Variants in C1QTNF3 observed in about 807,000 individuals in gnomAD.
The protein encoded by C1QTNF3 is C1q and TNF related 3.
C1QTNF3 carries 26 observed loss-of-function variants against 32.6 expected under a neutral mutation model. That is an observed-to-expected ratio of 0.80 (90% CI 0.58 to 1.11). The LOEUF is 1.11. Ranked by LOEUF, C1QTNF3 falls within the 50% of genes least tolerant of loss-of-function variation. C1QTNF3 has a pLI of 0.00. For missense variants in C1QTNF3, 362 were observed against 398.2 expected, an observed-to-expected ratio of 0.91 and a Z score of 0.77; for synonymous variants, 155 against 146.0, an observed-to-expected ratio of 1.06 and a Z score of -0.44.
the C1QTNF3 span, among the ~76,000 whole-genome samples, chr5:34,120,800 T>C: frequency 5.9e-5 from 9 of 152,350 alleles, no homozygotes; most frequent in African/African-American, 1.9e-4. Flanking sequence ...CTCTTTCTTT[T>C]GTAAATTGCC....
the C1QTNF3 span, among the ~76,000 whole-genome samples, chr5:34,115,133 G>T: frequency 6.6e-6 from 1 of 151,736 alleles, no homozygotes; most frequent in Admixed American, 6.6e-5. Context: ...TATAATTCTA[G>T]GTGGAGAATT....
At chr5:34,153,853 T>TAATTAAAAAAAAA in the C1QTNF3 span, among the ~76,000 whole-genome samples, 1 of 32,930 alleles carries the variant, frequency 3.0e-5, no homozygotes, top group Non-Finnish European at 6.9e-5. Context: ...ACTTAGAGTA[T>TAATTAAAAAAAAA]AAAAAAAAAA....
intron 1 of C1QTNF3, among the ~76,000 whole-genome samples, 189 bp downstream of exon 1, chr5:34,042,634 C>T (rs1276531310): frequency 6.6e-6 from 1 of 152,168 alleles, no homozygotes; most frequent in Non-Finnish European, 1.5e-5. Flanking sequence ...TGCTGATTTT[C>T]TAACAGAGAC....
chr5:34,031,265 C>T (rs1288492229), intron 3 of C1QTNF3, among the ~76,000 whole-genome samples: 1 of 152,168 alleles, frequency 6.6e-6, no homozygotes, highest in Non-Finnish European at 1.5e-5. Flanking sequence ...CCCTCCTTCA[C>T]AATCTGTGTA....
chr5:34,044,459 C>G (rs764781154), upstream of C1QTNF3, among the ~76,000 whole-genome samples: 11 of 152,150 alleles, frequency 7.2e-5, no homozygotes, highest in Non-Finnish European at 1.6e-4. Context: ...GAAGCTCAGC[C>G]TGCTGATGAA....
At chr5:34,210,044 GCA>G in the C1QTNF3 span, among the ~76,000 whole-genome samples, 1 of 152,082 alleles carries the variant, frequency 6.6e-6, no homozygotes, top group African/African-American at 2.4e-5. Context: ...CAATATTGAT[GCA>G]CAGAGGAATG....
the C1QTNF3 span, among the ~76,000 whole-genome samples, chr5:34,050,662 C>T: frequency 6.6e-6 from 1 of 152,198 alleles, no homozygotes; most frequent in South Asian, 2.1e-4. Flanking sequence ...TTGTCCTACA[C>T]ATCCCATCTG....
the C1QTNF3 span, among the ~76,000 whole-genome samples, chr5:34,162,045 T>C: frequency 1.3e-5 from 2 of 152,184 alleles, no homozygotes; most frequent in Admixed American, 1.3e-4. Flanking sequence ...TGATTCTCTC[T>C]ACACTGGATA....
At chr5:34,134,271 T>G in the C1QTNF3 span, among the ~76,000 whole-genome samples, 22 of 152,164 alleles carry the variant, frequency 1.4e-4, no homozygotes, top group Non-Finnish European at 1.0e-4. Flanking sequence ...GCAAGTCATT[T>G]CTGAGGTCTC....
At position 34,042,947 on chromosome 5, in the gene C1QTNF3, C is replaced by T. The variant is rs201504297; in HGVS notation, c.179G>A (p.Arg60Gln). The T allele has an allele frequency of 9.3e-6, 15 of 1,614,156 alleles. No homozygotes were observed. The highest frequency in any genetic ancestry group is 1.6e-4 in the Middle Eastern group (1 of 6,062). The change falls in exon 1 of 6, where the codon CGG becomes CAG. Residue 60 changes from arginine (R) to glutamine (Q), a missense_variant. By Grantham distance (43) the Arg-to-Gln change is conservative. Coordinates refer to ENST00000382065, the MANE Select transcript of C1QTNF3 (RefSeq NM_181435.6). ...CACAGTCCCAGTTTTAGGATGGCTC[C>T]GCTCTCTCACTTTCTCCCTCCTGGA... ...SGSRREKVRE[R>Q]SHPKTGTVDN...
At chr5:34,056,535 T>C in the C1QTNF3 span, among the ~76,000 whole-genome samples, 4,048 of 76,956 alleles carry the variant, frequency 0.053, 226 homozygotes, top group African/African-American at 0.17. Flanking sequence ...GAGAAAGAGA[T>C]AGGGTGTCAG....
At chr5:34,221,177 A>G in the C1QTNF3 span, among the ~76,000 whole-genome samples, 1 of 152,096 alleles carries the variant, frequency 6.6e-6, no homozygotes, top group African/African-American at 2.4e-5. Flanking sequence ...TCTTCATACC[A>G]AGATATCACA....
chr5:34,160,520 C>T, the C1QTNF3 span, among the ~76,000 whole-genome samples: 9 of 152,068 alleles, frequency 5.9e-5, no homozygotes, highest in Non-Finnish European at 1.3e-4. Context: ...TAGGTCCTAC[C>T]GTTCACCAAC....
the C1QTNF3 span, among the ~76,000 whole-genome samples, chr5:34,208,543 G>A: frequency 3.3e-5 from 5 of 150,168 alleles, no homozygotes; most frequent in South Asian, 4.3e-4. Context: ...AATGTCCACC[G>A]GATGGGAAGA....
At chr5:34,102,981 T>TA in the C1QTNF3 span, among the ~76,000 whole-genome samples, 2 of 150,806 alleles carry the variant, frequency 1.3e-5, no homozygotes, top group African/African-American at 2.4e-5. Flanking sequence ...AAAGTATAAT[T>TA]AAAAAAATAA....
the C1QTNF3 span, among the ~76,000 whole-genome samples, chr5:34,085,612 T>C: frequency 6.6e-6 from 1 of 151,326 alleles, no homozygotes; most frequent in East Asian, 1.9e-4. Flanking sequence ...TTTAACCCCA[T>C]CAAAAAGTAG....
the C1QTNF3 span, among the ~76,000 whole-genome samples, chr5:34,217,191 A>T: frequency 4.0e-4 from 61 of 152,270 alleles, no homozygotes; most frequent in African/African-American, 1.3e-3. Context: ...TATTAATATT[A>T]ACTTGATGAA....
the C1QTNF3 span, among the ~76,000 whole-genome samples, chr5:34,077,872 G>A: frequency 6.6e-6 from 1 of 151,430 alleles, no homozygotes; most frequent in Non-Finnish European, 1.5e-5. Flanking sequence ...TAACCTGGTT[G>A]CAACTATTAA....
the C1QTNF3 span, among the ~76,000 whole-genome samples, chr5:34,116,032 CTGCTT>C: frequency 6.6e-6 from 1 of 152,038 alleles, no homozygotes; most frequent in African/African-American, 2.4e-5. Context: ...ACTCTGAAAA[CTGCTT>C]TAGTTTTTTG....
Sources: gnomAD v4.1 joint callset for allele counts (sites outside exome capture counted in the v4.1 genomes callset) on GRCh38, gnomAD v4.1.1 for gene constraint, MANE v1.5 for transcripts, NCBI Gene and HGNC (gene_info 2026-07-23, HGNC 2026-07-21) for gene names.